The following RNF185 variants were observed in gnomAD, a reference collection of about 807,000 sequenced individuals.
RNF185 encodes the protein E3 ubiquitin-protein ligase RNF185.
Under a neutral mutation model 24.9 loss-of-function variants are expected in RNF185, and 13 were observed. That is an observed-to-expected ratio of 0.52 (90% CI 0.34 to 0.83). The LOEUF (loss-of-function observed/expected upper bound fraction) is 0.83. RNF185 is among the 40% of genes least tolerant of loss of function. The pLI, the probability that RNF185 is intolerant of heterozygous loss-of-function variation, is 0.01. For missense variants in RNF185, 184 were observed against 244.7 expected (o/e 0.75, Z 1.65); for synonymous variants, 79 against 90.3 (o/e 0.88, Z 0.71).
rs532338449 is a variant in RNF185 at position 31,203,054 on chromosome 22, C to A, written c.482-1435C>A. Among the ~76,000 whole-genome samples the A allele has an allele frequency of 4.9e-4, 75 of 152,338 alleles. 1 individual carries two copies. The South Asian group carries it at 0.015, about 31-fold the overall frequency. Reference sequence around the variant, plus strand: ...AAATTCCTGTGAAGCCAGCAAGAACCTGCCTGATAGCTTGCATCCTTCTAA... The same window carrying A: ...AAATTCCTGTGAAGCCAGCAAGAACATGCCTGATAGCTTGCATCCTTCTAA... On this transcript the variant is annotated intron_variant, in intron 6 of 6. Transcript: ENST00000326132.
intron 1 of RNF185, among the ~76,000 whole-genome samples, chr22:31,167,500 A>G (rs1251017442): frequency 6.6e-6 from 1 of 151,724 alleles, no homozygotes; most frequent in Non-Finnish European, 1.5e-5. Flanking sequence ...GTAACCTCTG[A>G]TCCACTTTCT....
At chr22:31,180,992 T>C (rs995776581) in intron 1 of RNF185, among the ~76,000 whole-genome samples, 1 of 149,810 alleles carries the variant, frequency 6.7e-6, no homozygotes, top group Non-Finnish European at 1.5e-5. Flanking sequence ...TCCACACACA[T>C]ACATACTCAT....
chr22:31,166,308 C>T (rs1190177967), intron 1 of RNF185, among the ~76,000 whole-genome samples: 1 of 151,954 alleles, frequency 6.6e-6, no homozygotes, highest in African/African-American at 2.4e-5. Flanking sequence ...TCATTTTAGA[C>T]ATTTTGGGAA....
At chr22:31,201,009 A>G (rs932886480) in intron 5 of RNF185, among the ~76,000 whole-genome samples, 1 of 152,136 alleles carries the variant, frequency 6.6e-6, no homozygotes, top group Non-Finnish European at 1.5e-5. Flanking sequence ...CTTTGAATGC[A>G]TGTATCAAGA....
intron 1 of RNF185, among the ~76,000 whole-genome samples, chr22:31,164,098 C>T (rs941565230): frequency 1.2e-4 from 19 of 152,096 alleles, no homozygotes; most frequent in African/African-American, 4.6e-4. Flanking sequence ...TCTCCTGCCC[C>T]AGCCTCCCAA....
intron 1 of RNF185, among the ~76,000 whole-genome samples, chr22:31,169,404 T>C (rs978706073): frequency 4.6e-5 from 7 of 152,232 alleles, no homozygotes; most frequent in African/African-American, 1.7e-4. Context: ...CTACTTTTTC[T>C]TTTGTTACCT....
intron 4 of RNF185, 118 bp downstream of exon 4, chr22:31,195,699 C>T (rs1319854578): frequency 1.5e-6 from 1 of 674,724 alleles, no homozygotes; most frequent in Non-Finnish European, 2.5e-6. Context: ...GGTTTCGAAG[C>T]AGTCTCATCC....
chr22:31,181,518 T>A (rs892295842), intron 1 of RNF185, among the ~76,000 whole-genome samples: 1 of 152,152 alleles, frequency 6.6e-6, no homozygotes, highest in African/African-American at 2.4e-5. Context: ...TCCCAAACAT[T>A]GTATTGCTTC....
intron 2 of RNF185, among the ~76,000 whole-genome samples, chr22:31,189,606 A>ATTT (rs760179955): frequency 8.0e-6 from 1 of 124,844 alleles, no homozygotes. Flanking sequence ...CCTGTGTCAA[A>ATTT]TTTTTTTTTT....
chr22:31,183,378 A>T (rs923063449), intron 1 of RNF185, among the ~76,000 whole-genome samples: 7 of 146,284 alleles, frequency 4.8e-5, no homozygotes, highest in Admixed American at 6.8e-5. Flanking sequence ...ATAATTTTTA[A>T]TTTTTTTTTT....
intron 1 of RNF185, among the ~76,000 whole-genome samples, chr22:31,165,056 A>G (rs992330423): frequency 4.0e-5 from 6 of 150,642 alleles, no homozygotes; most frequent in African/African-American, 1.5e-4. Flanking sequence ...GATTACAGGC[A>G]TGCACCACCA....
intron 1 of RNF185, among the ~76,000 whole-genome samples, chr22:31,176,935 GA>G (rs2047988824): frequency 6.6e-6 from 1 of 152,150 alleles, no homozygotes; most frequent in African/African-American, 2.4e-5. Flanking sequence ...GCTAGTTGGG[GA>G]GAAAAAGAGA....
At chr22:31,193,065 G>C (rs541207399) in intron 3 of RNF185, among the ~76,000 whole-genome samples, 1 of 152,296 alleles carries the variant, frequency 6.6e-6, no homozygotes, top group South Asian at 2.1e-4. Flanking sequence ...TTAGGAAGGG[G>C]AAAATTTTTT....
chr22:31,183,592 C>T (rs1291208184), intron 1 of RNF185, among the ~76,000 whole-genome samples: 5 of 152,032 alleles, frequency 3.3e-5, no homozygotes, highest in Admixed American at 6.5e-5. Flanking sequence ...TGACTCTTAA[C>T]GAGTATGCTG....
intron 1 of RNF185, among the ~76,000 whole-genome samples, chr22:31,161,533 A>G (rs1923574342): frequency 6.6e-6 from 1 of 152,220 alleles, no homozygotes; most frequent in African/African-American, 2.4e-5. Context: ...GGCACCTTAA[A>G]TGTTTATTGA....
At position 31,205,433 on chromosome 22, in the gene RNF185, A is replaced by G. The variant is rs920469299; in HGVS notation, c.*847A>G. ...GAGACTGACTACTGTGCATTAGGAA[A>G]GACCTGGAGTCAGGACTTTGGTGGG... On this transcript the variant is annotated 3_prime_UTR_variant, in exon 7 of 7. Transcript: ENST00000326132. The G allele has an allele frequency of 3.1e-5, 5 of 159,806 alleles. No homozygotes were observed. Among genetic ancestry groups the G allele is most frequent in the African/African-American group, 7.2e-5 (3 of 41,466 alleles). 9.9% of individuals were successfully genotyped at this position (159,806 alleles called of 1,614,324 possible).
chr22:31,176,749 A>G (rs762885825), intron 1 of RNF185, among the ~76,000 whole-genome samples: 2 of 152,016 alleles, frequency 1.3e-5, no homozygotes, highest in Non-Finnish European at 2.9e-5. Context: ...CAGCCTCCCA[A>G]ACTGCTGAGA....
At chr22:31,191,201 T>C (rs1398779668) in intron 2 of RNF185, among the ~76,000 whole-genome samples, 1 of 152,188 alleles carries the variant, frequency 6.6e-6, no homozygotes, top group Non-Finnish European at 1.5e-5. Context: ...CCCCTGAGGG[T>C]CATTCATTCA....
intron 1 of RNF185, among the ~76,000 whole-genome samples, chr22:31,161,758 A>G (rs927670834): frequency 1.3e-5 from 2 of 152,182 alleles, no homozygotes; most frequent in Non-Finnish European, 2.9e-5. Flanking sequence ...TCTCTTCAGC[A>G]ATATGTGTAT....
Sources: allele counts gnomAD v4.1 joint callset (sites outside exome capture counted in the v4.1 genomes callset), GRCh38; gene constraint gnomAD v4.1.1; transcripts MANE v1.5; gene names NCBI Gene and HGNC (gene_info 2026-07-23, HGNC 2026-07-21).